Variants in SYNE2 observed in about 807,000 individuals in gnomAD.
SYNE2 encodes the protein spectrin repeat containing nuclear envelope protein 2.
SYNE2 carries 431 observed loss-of-function variants against 856.3 expected under a neutral mutation model. The ratio of observed to expected loss-of-function variants is 0.50; its 90% CI spans 0.47 to 0.55. The LOEUF (loss-of-function observed/expected upper bound fraction) is 0.55. SYNE2 is among the 20% of genes least tolerant of loss of function. SYNE2 has a pLI of 0.00. For missense variants in SYNE2, 8,129 were observed against 8,023.2 expected (o/e 1.01, Z -0.50); for synonymous variants, 2,923 against 2,872.3 (o/e 1.02, Z -0.56).
chr14:64,170,200 G>C (rs375216267), intron 93 of SYNE2, 28 bp from the exon 94 acceptor site: 1 of 1,607,054 alleles, frequency 6.2e-7, no homozygotes, highest in African/African-American at 1.3e-5. Flanking sequence ...TCGATGTCTG[G>C]ATTCTATAAC....
At chr14:63,781,330 C>T (rs922960087) in intron 1 of SYNE2, among the ~76,000 whole-genome samples, 1 of 151,090 alleles carries the variant, frequency 6.6e-6, no homozygotes, top group Non-Finnish European at 1.5e-5. Context: ...GAAATTTTAC[C>T]TGAAAAAATG....
chr14:64,043,845 C>A (rs887591689), intron 45 of SYNE2, among the ~76,000 whole-genome samples: 1 of 152,192 alleles, frequency 6.6e-6, no homozygotes, highest in African/African-American at 2.4e-5. Context: ...GGATCAGAGC[C>A]CCCACACAGA....
rs2098716901 is a variant in SYNE2 at position 64,225,981 on chromosome 14, T to G, written c.*455T>G. The G allele has an allele frequency of 3.6e-6, 1 of 280,092 alleles. No individual in the cohort carries two copies. Among genetic ancestry groups the G allele is most frequent in the Non-Finnish European group, 6.8e-6 (1 of 147,758 alleles). The allele number at this position is 280,092 out of a possible 1,614,324, so 17.4% of individuals were successfully genotyped here. A position where few individuals can be genotyped will look rare whatever the true frequency, so the allele number is the denominator to read the frequency against. ...AGCTGATGGAAACAATCAATCATAT[T>G]TAATACGCTTAGAATCAGTTTTACT... On this transcript the variant is annotated 3_prime_UTR_variant, in exon 116 of 116. Coordinates refer to ENST00000555002, the MANE Select transcript of SYNE2 (RefSeq NM_182914.3).
chr14:63,895,284 T>A (rs986870993), intron 1 of SYNE2, among the ~76,000 whole-genome samples: 2 of 151,236 alleles, frequency 1.3e-5, no homozygotes, highest in Non-Finnish European at 2.9e-5. Flanking sequence ...TTTTTTTTTT[T>A]ATTTTTAGTA....
At chr14:63,840,124 GC>G (rs1410928426) in intron 1 of SYNE2, among the ~76,000 whole-genome samples, 2 of 152,116 alleles carry the variant, frequency 1.3e-5, no homozygotes, top group Non-Finnish European at 2.9e-5. Context: ...GAAAAAATTA[GC>G]CGGGCGTGGT....
At chr14:64,109,033 G>C (rs561292254) in intron 65 of SYNE2, among the ~76,000 whole-genome samples, 2 of 151,814 alleles carry the variant, frequency 1.3e-5, no homozygotes, top group Non-Finnish European at 2.9e-5. Context: ...ACACCATCAC[G>C]CCTGGCTAAT....
In SYNE2 at chr14:64,003,217, A is replaced by G; in HGVS notation, c.4284A>G (p.Leu1428=). The change falls in exon 30 of 116, where the codon TTA becomes TTG. Residue 1428 remains leucine, a synonymous_variant. Coordinates refer to ENST00000555002, the MANE Select transcript of SYNE2 (RefSeq NM_182914.3). The stretch of plus-strand genomic sequence containing the variant: ...AGGAATTCACTGAGGAAAACAAATT[A>G]CTAGAGGCTTGTATTTTCAAAAATA... The part of the protein sequence containing the change: ...VQEEFTEENK[L]LEACIFKNNE... The G allele has an allele frequency of 1.2e-6, 2 of 1,613,956 alleles. No individual in the cohort carries two copies. The highest frequency in any genetic ancestry group is 2.2e-5 in the East Asian group (1 of 44,884).
At chr14:64,146,572 G>A (rs574934176) in intron 84 of SYNE2, among the ~76,000 whole-genome samples, 1 of 152,220 alleles carries the variant, frequency 6.6e-6, no homozygotes, top group South Asian at 2.1e-4. Context: ...TTACTCTAAA[G>A]GTTTCATTAT....
chr14:63,995,221 A>G lies in SYNE2; in HGVS notation c.2940+19A>G. On this transcript the variant is annotated intron_variant, in intron 23 of 115. Coordinates refer to ENST00000555002, the MANE Select transcript of SYNE2 (RefSeq NM_182914.3). ...ACATGAGGTACAATAAAGTGTTTCC[A>G]CTTAAATTTTGTCATCATTTTGGGG... is the stretch of plus-strand genomic sequence containing the variant. The G allele has an allele frequency of 6.3e-7, 1 of 1,598,292 alleles. No individual in the cohort carries two copies. Among genetic ancestry groups the G allele is most frequent in the South Asian group, 1.1e-5 (1 of 90,274 alleles).
At chr14:63,763,685 G>T (rs933643127) in intron 1 of SYNE2, among the ~76,000 whole-genome samples, 1 of 152,096 alleles carries the variant, frequency 6.6e-6, no homozygotes, top group East Asian at 1.9e-4. Context: ...CCTAAAAAAA[G>T]ACAAGGTCTT....
At chr14:64,064,781 T>A (rs954335421) in intron 50 of SYNE2, among the ~76,000 whole-genome samples, 28 of 151,910 alleles carry the variant, frequency 1.8e-4, no homozygotes, top group Admixed American at 1.6e-3. Context: ...CTTGAATTCC[T>A]AGCCTCAAGC....
chr14:64,049,583 T>C, intron 46 of SYNE2, 28 bp from the exon 47 acceptor site: 2 of 1,611,992 alleles, frequency 1.2e-6, no homozygotes, highest in African/African-American at 1.3e-5. Context: ...TGAGTGTTTA[T>C]TGACTGATCT....
chr14:63,990,555 A>G lies in SYNE2; in HGVS notation c.2458A>G (p.Lys820Glu). The G allele has an allele frequency of 6.2e-7, 1 of 1,613,920 alleles. No homozygotes were observed. The highest frequency in any genetic ancestry group is 8.5e-7 in the Non-Finnish European group (1 of 1,179,896). The change falls in exon 20 of 116, where the codon AAA (lysine) becomes GAA (glutamate). Residue 820 changes from lysine to glutamate, a missense_variant. By Grantham distance (56) the Lys-to-Glu change is moderately conservative. Coordinates refer to ENST00000555002, the MANE Select transcript of SYNE2 (RefSeq NM_182914.3). ...TGLQAKIQEA[K>E]EKVQINVVKL... is the part of the protein sequence containing the mutation. ...GCTTCAGGCAAAGATTCAAGAAGCT[A>G]AAGAGAAAGTCCAGGTCTCTCTTTA...
rs573961993 is a variant in SYNE2 at position 64,155,387 on chromosome 14, G to A, written c.15792+2671G>A. 5.9e-5 allele frequency among the ~76,000 whole-genome samples: 9 copies of A among 152,248 alleles called. No homozygotes were observed. In the South Asian group the frequency reaches 1.5e-3, roughly 25 times the overall value. ...TCACATATTGTTTGATTCTGTTTAC[G>A]TGGAATAACCAGAATGGACAATTCT... On this transcript the variant is annotated intron_variant, in intron 85 of 115. Coordinates refer to ENST00000555002, the MANE Select transcript of SYNE2 (RefSeq NM_182914.3).
chr14:64,221,761 G>T, intron 112 of SYNE2, 57 bp downstream of exon 112: 1 of 1,599,080 alleles, frequency 6.3e-7, no homozygotes, highest in Non-Finnish European at 8.6e-7. Flanking sequence ...CCCCAGAGAG[G>T]CAGCACACTC....
chr14:63,929,784 A>T lies in SYNE2; in HGVS notation c.80-10830A>T, dbSNP rs1002297066. Among the ~76,000 whole-genome samples, 736 of 149,550 alleles carry T rather than the reference A, an allele frequency of 4.9e-3. 2 individuals are homozygous for T. The highest frequency in any genetic ancestry group is 0.011 in the African/African-American group (451 of 40,586). On this transcript the variant is annotated intron_variant, in intron 2 of 115. Coordinates refer to ENST00000555002, the MANE Select transcript of SYNE2 (RefSeq NM_182914.3). The stretch of plus-strand genomic sequence containing the variant: ...GAAACTGTCTCAAAAAAAAAAAAAA[A>T]TTTTTTTTTTCTCTGTAGAGATATT...
At position 63,787,745 on chromosome 14, in the gene SYNE2, C is replaced by G. The variant is rs545785917; in HGVS notation, c.-305+25759C>G. Among the ~76,000 whole-genome samples the G allele has an allele frequency of 2.0e-5, 3 of 152,310 alleles. No homozygotes were observed. In the East Asian group the frequency reaches 5.8e-4, roughly 29 times the overall value. On this transcript the variant is annotated intron_variant, in intron 1 of 23. Transcript: ENST00000674003. ...TGGACCTCGGAGAGGACAAAGTGCT[C>G]TGGGTCCATAGGCAGCCATGGGCTG...
Position 64,021,461 on chromosome 14 carries a change from C to T in SYNE2, c.5298C>T (p.Ser1766=), listed in dbSNP as rs1216620814. 1 of 1,614,038 alleles carries T rather than the reference C, an allele frequency of 6.2e-7. No homozygotes were observed. Among genetic ancestry groups the T allele is most frequent in the Non-Finnish European group, 8.5e-7 (1 of 1,180,010 alleles). The change falls in exon 36 of 116, where the codon TCC becomes TCT. Residue 1766 remains serine, a synonymous_variant. Coordinates refer to ENST00000555002, the MANE Select transcript of SYNE2 (RefSeq NM_182914.3). Reference sequence around the variant, plus strand: ...AGACCCAGATCGGGATGACTGAATCCCTCTTAAAAGCCCTGTCTCCTTCTG... The same window carrying T: ...AGACCCAGATCGGGATGACTGAATCTCTCTTAAAAGCCCTGTCTCCTTCTG... ...QAKTQIGMTE[S]LLKALSPSDS...
chr14:64,113,684 C>G, intron 66 of SYNE2, 113 bp downstream of exon 66: 1 of 1,174,174 alleles, frequency 8.5e-7, no homozygotes, highest in South Asian at 1.3e-5. Flanking sequence ...CTGACCCTTA[C>G]ATTTATCTTG....
Sources: gnomAD v4.1 joint callset for allele counts (sites outside exome capture counted in the v4.1 genomes callset) on GRCh38, gnomAD v4.1.1 for gene constraint, MANE v1.5 for transcripts, NCBI Gene and HGNC (gene_info 2026-07-23, HGNC 2026-07-21) for gene names.